Variants in FMN1 observed in about 807,000 individuals in gnomAD.
FMN1 encodes formin-1.
FMN1 carries 110 observed loss-of-function variants against 132.4 expected under a neutral mutation model. The ratio of observed to expected loss-of-function variants is 0.83; its 90% CI spans 0.71 to 0.97. The LOEUF (loss-of-function observed/expected upper bound fraction) is 0.97. Ranked by LOEUF, FMN1 falls within the 50% of genes least tolerant of loss-of-function variation. FMN1 has a pLI of 0.00. For missense variants in FMN1, 1,792 were observed against 1,705.3 expected (o/e 1.05, Z -0.90); for synonymous variants, 722 against 651.7 (o/e 1.11, Z -1.64).
chr15:32,774,095 G>A lies in FMN1; in HGVS notation c.*215C>T. On this transcript the variant is annotated 3_prime_UTR_variant, in exon 21 of 21. Transcript: ENST00000616417. ...AACAGTCATCAAATATTTCTGCAAT[G>A]TTCCCTTAAATAGTTTTCCATTGTT... 6 of 547,952 alleles carry A rather than the reference G, an allele frequency of 1.1e-5. No homozygotes were observed. In the South Asian group the frequency reaches 1.3e-4, roughly 12 times the overall value. The allele number at this position is 547,952 out of a possible 1,614,324, so 33.9% of individuals were successfully genotyped here.
chr15:32,862,154 T>C (rs2059284065), intron 16 of FMN1, among the ~76,000 whole-genome samples: 2 of 152,108 alleles, frequency 1.3e-5, no homozygotes, highest in Admixed American at 6.5e-5. Context: ...GGCTAATTAA[T>C]GATGACACCG....
At position 33,191,646 on chromosome 15, in the gene FMN1, C is replaced by T. The variant is rs374351486; in HGVS notation, c.-197+2263G>A. On this transcript the variant is annotated intron_variant, in intron 2 of 20. Coordinates refer to ENST00000616417, the MANE Select transcript of FMN1 (RefSeq NM_001277313.2). ...AGAGGGAATGCTCCATTTCTCAGAC[C>T]CTTGCTTTTATGCGCTGACAAGGTA... is the stretch of plus-strand genomic sequence containing the variant. Among the ~76,000 whole-genome samples, 229 of 152,308 alleles carry T rather than the reference C, an allele frequency of 1.5e-3. 1 individual carries two copies. Among genetic ancestry groups the T allele is most frequent in the African/African-American group, 5.4e-3 (225 of 41,570 alleles).
chr15:32,854,707 G>T (rs1279392465), intron 17 of FMN1, among the ~76,000 whole-genome samples: 1 of 152,134 alleles, frequency 6.6e-6, no homozygotes, highest in Non-Finnish European at 1.5e-5. Context: ...GAGGTCAGGA[G>T]TTCGAGACCA....
intron 19 of FMN1, 27 bp from the exon 20 acceptor site, chr15:32,776,946 G>A: frequency 7.4e-7 from 1 of 1,352,002 alleles, no homozygotes; most frequent in Non-Finnish European, 1.0e-6. Flanking sequence ...GAAAAGACAG[G>A]GGAGAGAGGG....
Position 33,048,636 on chromosome 15 carries a change from A to AAACAAAAAACAAAC in FMN1, c.2161+16320_2161+16321insGTTTGTTTTTTGTT, listed in dbSNP as rs1566865306. Among the ~76,000 whole-genome samples, 358 of 142,780 alleles carry AAACAAAAAACAAAC rather than the reference A, an allele frequency of 2.5e-3. 29 individuals carry two copies. Among genetic ancestry groups the AAACAAAAAACAAAC allele is most frequent in the African/African-American group, 8.4e-3 (328 of 39,008 alleles). The allele number at this position is 142,780 out of a possible 152,430, so 93.7% of individuals were successfully genotyped here. On this transcript the variant is annotated intron_variant, in intron 6 of 20. Transcript: ENST00000616417. The stretch of plus-strand genomic sequence containing the variant: ...CTCGAGACTGGGCAATTTACCAAAA[A>AAACAAAAAACAAAC]AAAAAAAAAAAAACCAACAGTTTAA...
chr15:32,781,436 T>A (rs978453901), intron 19 of FMN1, among the ~76,000 whole-genome samples: 1 of 152,200 alleles, frequency 6.6e-6, no homozygotes, highest in Admixed American at 6.5e-5. Flanking sequence ...TTCTTACTTG[T>A]GCACTGGACA....
intron 17 of FMN1, among the ~76,000 whole-genome samples, chr15:32,819,203 G>A (rs2141091755): frequency 6.8e-6 from 1 of 147,600 alleles, no homozygotes; most frequent in African/African-American, 2.4e-5. Context: ...ACTGCTTTCT[G>A]ATCCATGCAA....
chr15:32,910,660 T>G (rs2060538646), intron 10 of FMN1, 125 bp from the exon 11 acceptor site: 1 of 717,234 alleles, frequency 1.4e-6, no homozygotes, highest in Non-Finnish European at 2.4e-6. Flanking sequence ...AAGCTGTGCC[T>G]CTCTGCTCCC....
At chr15:32,924,606 A>T (rs539457000) in intron 10 of FMN1, among the ~76,000 whole-genome samples, 1 of 152,224 alleles carries the variant, frequency 6.6e-6, no homozygotes, top group Non-Finnish European at 1.5e-5. Context: ...CTCAGCAAAT[A>T]TAAGTGAAAT....
intron 16 of FMN1, among the ~76,000 whole-genome samples, chr15:32,884,175 C>T (rs1410966782): frequency 6.6e-6 from 1 of 152,092 alleles, no homozygotes; most frequent in Non-Finnish European, 1.5e-5. Context: ...GCTTAAAACA[C>T]CAGAAATATA....
chr15:33,083,179 C>G (rs967712559), intron 5 of FMN1, among the ~76,000 whole-genome samples: 5 of 152,050 alleles, frequency 3.3e-5, no homozygotes, highest in African/African-American at 1.2e-4. Context: ...CTTCTAAAAC[C>G]CTCGTAACTT....
intron 16 of FMN1, among the ~76,000 whole-genome samples, chr15:32,858,681 C>CT (rs748152613): frequency 6.6e-6 from 1 of 152,156 alleles, no homozygotes; most frequent in Non-Finnish European, 1.5e-5. Context: ...TTTTAAATGA[C>CT]TTATCTTATT....
At chr15:33,049,588 A>T (rs1295066648) in intron 6 of FMN1, among the ~76,000 whole-genome samples, 3 of 152,234 alleles carry the variant, frequency 2.0e-5, no homozygotes, top group Non-Finnish European at 4.4e-5. Context: ...GGGAATTGTT[A>T]AATCAAGTTT....
intron 15 of FMN1, 26 bp from the exon 16 acceptor site, chr15:32,888,318 C>T (rs762758080): frequency 1.3e-6 from 2 of 1,555,180 alleles, no homozygotes. Flanking sequence ...AACAAAAGTA[C>T]ATTATACTTC....
chr15:32,964,977 A>T (rs2140615017), intron 8 of FMN1, among the ~76,000 whole-genome samples: 2 of 152,270 alleles, frequency 1.3e-5, no homozygotes, highest in South Asian at 4.2e-4. Flanking sequence ...AAGGGAAGAA[A>T]AGCTCTTGAG....
In FMN1 at chr15:32,969,079, G is replaced by A; in HGVS notation, c.2622C>T (p.Ser874=). 2 of 1,597,608 alleles carry A rather than the reference G, an allele frequency of 1.3e-6. No homozygotes were observed. Among genetic ancestry groups the A allele is most frequent in the Non-Finnish European group, 1.7e-6 (2 of 1,170,246 alleles). ...QQKALPPPPA[S]IPPPPPLPSG... ...AGGGGAGGGGCGGAGGGGGAGGGAT[G>A]GATGCGGGAGGCGGAGGCAATGCCT... is the stretch of plus-strand genomic sequence containing the variant. The change falls in exon 8 of 21, where the codon TCC becomes TCT. Residue 874 remains serine (S), a synonymous_variant. Transcript: ENST00000616417.
At chr15:32,936,479 T>C (rs1157499436) in intron 9 of FMN1, among the ~76,000 whole-genome samples, 1 of 152,190 alleles carries the variant, frequency 6.6e-6, no homozygotes, top group Non-Finnish European at 1.5e-5. Flanking sequence ...TTTCAGGAGC[T>C]CATAATCCCT....
chr15:33,039,537 A>G (rs770137005), intron 6 of FMN1, among the ~76,000 whole-genome samples: 7 of 152,234 alleles, frequency 4.6e-5, no homozygotes, highest in Non-Finnish European at 1.0e-4. Context: ...AGCTGAATGT[A>G]TATTTTACCC....
intron 16 of FMN1, among the ~76,000 whole-genome samples, chr15:32,865,968 A>T (rs1382517199): frequency 6.6e-6 from 1 of 152,128 alleles, no homozygotes; most frequent in Non-Finnish European, 1.5e-5. Context: ...GCTTTCGCAC[A>T]TTCTTAATTG....
Sources: gnomAD v4.1 joint callset for allele counts (sites outside exome capture counted in the v4.1 genomes callset) on GRCh38, gnomAD v4.1.1 for gene constraint, MANE v1.5 for transcripts, NCBI Gene and HGNC (gene_info 2026-07-23, HGNC 2026-07-21) for gene names.